Variants in MAZ observed in about 807,000 individuals in gnomAD.
The protein encoded by MAZ is myc-associated zinc finger protein.
Under a neutral mutation model 32.7 loss-of-function variants are expected in MAZ, and 4 were observed. That is an observed-to-expected ratio of 0.12 (90% CI 0.06 to 0.28). MAZ has a LOEUF of 0.28. Ranked by LOEUF, MAZ falls within the 10% of genes least tolerant of loss-of-function variation. The pLI is 1.00. For missense variants in MAZ, 763 were observed against 667.2 expected, an observed-to-expected ratio of 1.14 and a Z score of -1.58; for synonymous variants, 510 against 297.6, an observed-to-expected ratio of 1.71 and a Z score of -7.35.
In MAZ at chr16:29,806,558, GCGCGGGCGGCGGGGCGGCC is replaced by G; in HGVS notation, c.-136_-118del. On this transcript the variant is annotated 5_prime_UTR_variant, in exon 1 of 5. Coordinates refer to ENST00000322945, the MANE Select transcript of MAZ (RefSeq NM_002383.4). ...TTTCCTCCCTCCCGCCGGCCGGGGT[GCGCGGGCGGCGGGGCGGCC>G]CGCGGGCCATGCGTTCGGCGCGGCC... The G allele has an allele frequency of 1.1e-6, 1 of 922,408 alleles. No individual in the cohort carries two copies. Among genetic ancestry groups the G allele is most frequent in the Non-Finnish European group, 1.3e-6 (1 of 779,596 alleles). 57.1% of individuals were successfully genotyped at this position (922,408 alleles called of 1,614,324 possible).
Position 29,810,681 on chromosome 16 carries a change from G to T in MAZ, c.*450G>T, listed in dbSNP as rs1189258693. On this transcript the variant is annotated 3_prime_UTR_variant, in exon 5 of 5. Transcript: ENST00000322945. ...CTTTTCCTTTTTTTTTTTTTTCCAGGGGGAGGGAGGAGAGGAAGGAGGGGG... is the reference window on the plus strand; with the variant it reads ...CTTTTCCTTTTTTTTTTTTTTCCAGTGGGAGGGAGGAGAGGAAGGAGGGGG... 4 of 486,830 alleles carry T rather than the reference G, an allele frequency of 8.2e-6. No homozygotes were observed. Among genetic ancestry groups the T allele is most frequent in the Non-Finnish European group, 1.5e-5 (4 of 266,604 alleles). The allele number at this position is 486,830 out of a possible 1,614,324, so 30.2% of individuals were successfully genotyped here. A position where few individuals can be genotyped will look rare whatever the true frequency, so the allele number is the denominator to read the frequency against.
intron 4 of MAZ, chr16:29,809,803 TGTG>T: frequency 1.8e-6 from 2 of 1,126,112 alleles, no homozygotes; most frequent in Non-Finnish European, 2.4e-6. Context: ...GGATGGGGGG[TGTG>T]GGGGACAACG....
In MAZ at chr16:29,811,158, A is replaced by C. The variant is rs1307322208; in HGVS notation, c.*927A>C. ...CCCCATTACAATAAATTTTAAATAAAATCCTGTTTCTGGCTCTGGATTGAA... is the reference window on the plus strand; with the variant it reads ...CCCCATTACAATAAATTTTAAATAACATCCTGTTTCTGGCTCTGGATTGAA... On this transcript the variant is annotated 3_prime_UTR_variant, in exon 5 of 5. Coordinates refer to ENST00000322945, the MANE Select transcript of MAZ (RefSeq NM_002383.4). The C allele has an allele frequency of 7.2e-6, 3 of 419,204 alleles. No homozygotes were observed. Among genetic ancestry groups the C allele is most frequent in the Non-Finnish European group, 1.4e-5 (3 of 208,556 alleles). The allele number at this position is 419,204 out of a possible 1,614,324, so 26.0% of individuals were successfully genotyped here.
Position 29,810,235 on chromosome 16 carries a change from C to T in MAZ, c.*4C>T. On this transcript the variant is annotated 3_prime_UTR_variant, in exon 5 of 5. Coordinates refer to ENST00000322945, the MANE Select transcript of MAZ (RefSeq NM_002383.4). ...ACTTCCCTCCCAACCCTGGTGAGCT[C>T]CAAGTTGGTTGCGGGGGAGAGGGGA... The T allele has an allele frequency of 1.3e-6, 2 of 1,584,960 alleles. No individual in the cohort carries two copies. The highest frequency in any genetic ancestry group is 2.7e-5 in the African/African-American group (2 of 74,346).
Position 29,808,024 on chromosome 16 carries a change from G to C in MAZ, c.1043+196G>C. On this transcript the variant is annotated intron_variant, in intron 2 of 4. Transcript: ENST00000322945. ...TCCTTTGTCGAGGAGGTGGGCCTTG[G>C]GGTTGACGGAAGCTTCGCGTGGGAG... 6.0e-6 allele frequency: 7 copies of C among 1,168,832 alleles called. No homozygotes were observed. In the Admixed American group the frequency reaches 1.2e-4, roughly 20 times the overall value. 72.4% of individuals were successfully genotyped at this position (1,168,832 alleles called of 1,614,324 possible). A position where few individuals can be genotyped will look rare whatever the true frequency, so the allele number is the denominator to read the frequency against.
Position 29,810,655 on chromosome 16 carries a change from T to A in MAZ, c.*424T>A. 1.8e-6 allele frequency: 1 copy of A among 565,328 alleles called. No individual in the cohort carries two copies. The highest frequency in any genetic ancestry group is 3.2e-6 in the Non-Finnish European group (1 of 316,320). 35.0% of individuals were successfully genotyped at this position (565,328 alleles called of 1,614,324 possible). A position where few individuals can be genotyped will look rare whatever the true frequency, so the allele number is the denominator to read the frequency against. ...GCCCCTCCCCGGGGAGTTGGTGCTT[T>A]CTTTTCCTTTTTTTTTTTTTTCCAG... On this transcript the variant is annotated 3_prime_UTR_variant, in exon 5 of 5. Coordinates refer to ENST00000322945, the MANE Select transcript of MAZ (RefSeq NM_002383.4).
Position 29,806,793 on chromosome 16 carries a change from T to C in MAZ, c.92T>C (p.Phe31Ser). The C allele has an allele frequency of 7.0e-7, 1 of 1,428,242 alleles. No individual in the cohort carries two copies. 88.5% of individuals were successfully genotyped at this position (1,428,242 alleles called of 1,614,324 possible). A position where few individuals can be genotyped will look rare whatever the true frequency, so the allele number is the denominator to read the frequency against. Reference sequence around the variant, plus strand: ...GGGGTGGGCGGCCTCATGAACTCCTTCCCGCCACCTCAGGGTCACGCCCAG... The same window carrying C: ...GGGGTGGGCGGCCTCATGAACTCCTCCCCGCCACCTCAGGGTCACGCCCAG... ...SRGVGGLMNSFPPPQGHAQNP... is the reference protein window; with the variant it reads ...SRGVGGLMNSSPPPQGHAQNP... Residue 31 changes from phenylalanine to serine, a missense_variant, in exon 1 of 5, where the codon TTC becomes TCC. Transcript: ENST00000322945.
intron 4 of MAZ, chr16:29,809,488 TG>T (rs2142406005): frequency 2.6e-6 from 3 of 1,158,916 alleles, no homozygotes; most frequent in Admixed American, 1.8e-5. Context: ...GCCCCGTCTC[TG>T]GGGTCTCCGC....
chr16:29,810,609 C>T lies in MAZ; in HGVS notation c.*378C>T, dbSNP rs1050549472. Reference sequence around the variant, plus strand: ...GACGGTCCTCTTCTCTCCTTCCAGTCCTCTCCCCCTGCTGTCTGCAGCCCC... The same window carrying T: ...GACGGTCCTCTTCTCTCCTTCCAGTTCTCTCCCCCTGCTGTCTGCAGCCCC... On this transcript the variant is annotated 3_prime_UTR_variant, in exon 5 of 5. Coordinates refer to ENST00000322945, the MANE Select transcript of MAZ (RefSeq NM_002383.4). The T allele has an allele frequency of 1.0e-4, 66 of 657,814 alleles. No individual in the cohort carries two copies. Among genetic ancestry groups the T allele is most frequent in the East Asian group, 2.2e-4 (8 of 35,688 alleles). 40.7% of individuals were successfully genotyped at this position (657,814 alleles called of 1,614,324 possible). A position where few individuals can be genotyped will look rare whatever the true frequency, so the allele number is the denominator to read the frequency against.
chr16:29,809,938 C>G (rs950504577), intron 4 of MAZ, 139 bp from the exon 5 acceptor site: 1 of 1,384,254 alleles, frequency 7.2e-7, no homozygotes, highest in Non-Finnish European at 9.8e-7. Flanking sequence ...GGTGAGGATG[C>G]AGGCTGAGGC....
chr16:29,808,512 C>A, intron 3 of MAZ, 58 bp from the exon 4 acceptor site: 2 of 1,242,052 alleles, frequency 1.6e-6, no homozygotes, highest in Non-Finnish European at 1.1e-6. Context: ...CCCCCCTCCC[C>A]AGCCCACCAA....
chr16:29,808,390 C>T (rs568364275), intron 3 of MAZ, 97 bp downstream of exon 3: 8 of 1,217,556 alleles, frequency 6.6e-6, no homozygotes, highest in African/African-American at 3.0e-5. Context: ...TCTCTCTCTT[C>T]TTTTTGCCTT....
chr16:29,807,200 C>G lies in MAZ; in HGVS notation c.415C>G (p.Pro139Ala). Residue 139 changes from proline (P) to alanine (A), a missense_variant, in exon 2 of 5, where the codon CCA (proline) becomes GCA (alanine). Transcript: ENST00000322945. ...QPPAPPPPPP[P>A]VSAPAAEAAP... ...TCCGGCGCCCCCTCCGCCACCCCCG[C>G]CAGTGTCGGCGCCCGCGGCCGAGGC... is the stretch of plus-strand genomic sequence containing the variant. The G allele has an allele frequency of 1.7e-6, 2 of 1,200,006 alleles. No homozygotes were observed. The highest frequency in any genetic ancestry group is 2.1e-6 in the Non-Finnish European group (2 of 952,946). 74.3% of individuals were successfully genotyped at this position (1,200,006 alleles called of 1,614,324 possible).
chr16:29,806,575 G>GC lies in MAZ; in HGVS notation c.-124dup. 1 of 956,432 alleles carries GC rather than the reference G, an allele frequency of 1.0e-6. No individual in the cohort carries two copies. Among genetic ancestry groups the GC allele is most frequent in the Middle Eastern group, 5.4e-4 (1 of 1,846 alleles). 59.2% of individuals were successfully genotyped at this position (956,432 alleles called of 1,614,324 possible). ...GCCGGGGTGCGCGGGCGGCGGGGCG[G>GC]CCCGCGGGCCATGCGTTCGGCGCGG... On this transcript the variant is annotated 5_prime_UTR_variant, in exon 1 of 5. Coordinates refer to ENST00000322945, the MANE Select transcript of MAZ (RefSeq NM_002383.4).
At chr16:29,809,327 C>T (rs1294463017) in intron 4 of MAZ, 2 of 580,476 alleles carry the variant, frequency 3.4e-6, no homozygotes, top group Non-Finnish European at 6.1e-6. Flanking sequence ...GGTACCAAGG[C>T]TGAGAAGCGG....
rs370462022 is a variant in MAZ, at chr16:29,810,102, GGCGGCA to G, written c.1317_1322del (p.Ala447_Ala448del). On this transcript the variant is annotated inframe_deletion, in exon 5 of 5. Transcript: ENST00000322945. ...GTACTGGTGAGGTTTGTCCAATGGC[GGCGGCA>G]GCGGCAGCGGCGGCAGCGGCAGCAG... The G allele has an allele frequency of 1.5e-3, 2,297 of 1,560,562 alleles. 7 individuals are homozygous for G. Among genetic ancestry groups the G allele is most frequent in the African/African-American group, 2.1e-3 (149 of 71,076 alleles).
Position 29,806,718 on chromosome 16 carries a change from C to G in MAZ, c.17C>G (p.Pro6Arg). MFPVFPCTLLAPPFPV... is the reference protein window; with the variant it reads MFPVFRCTLLAPPFPV... ...GCCGAGGCCATGTTCCCGGTGTTTC[C>G]TTGCACGCTGCTGGCCCCCCCCTTC... The change falls in exon 1 of 5, where the codon CCT becomes CGT. Residue 6 changes from proline (P) to arginine (R), a missense_variant. Coordinates refer to ENST00000322945, the MANE Select transcript of MAZ (RefSeq NM_002383.4). 2 of 1,343,748 alleles carry G rather than the reference C, an allele frequency of 1.5e-6. No homozygotes were observed. Among genetic ancestry groups the G allele is most frequent in the South Asian group, 1.6e-5 (1 of 64,246 alleles). The allele number at this position is 1,343,748 out of a possible 1,614,324, so 83.2% of individuals were successfully genotyped here.
In MAZ at chr16:29,807,447, C is replaced by T. The variant is rs761231778; in HGVS notation, c.662C>T (p.Pro221Leu). 30 of 1,612,324 alleles carry T rather than the reference C, an allele frequency of 1.9e-5. No individual in the cohort carries two copies. The highest frequency in any genetic ancestry group is 6.7e-5 in the African/African-American group (5 of 74,912). Reference sequence around the variant, plus strand: ...ACGGGAGCCAAGGCCGGCCGGGTCCCCTCGGGTGCTATGAAGATGCCGACC... The same window carrying T: ...ACGGGAGCCAAGGCCGGCCGGGTCCTCTCGGGTGCTATGAAGATGCCGACC... ...IHTGAKAGRV[P>L]SGAMKMPTMV... Residue 221 changes from proline (P) to leucine (L), a missense_variant, in exon 2 of 5, where the codon CCC becomes CTC. Transcript: ENST00000322945.
chr16:29,809,824 A>C, intron 4 of MAZ: 1 of 1,008,066 alleles, frequency 9.9e-7, no homozygotes, highest in Non-Finnish European at 1.4e-6. Flanking sequence ...ACGGGGCTCA[A>C]AGGGCCCAAT....
Sources: allele counts gnomAD v4.1 joint callset, GRCh38; gene constraint gnomAD v4.1.1; transcripts MANE v1.5; gene names NCBI Gene and HGNC (gene_info 2026-07-23, HGNC 2026-07-21).